Variants in TMEM178B observed in about 807,000 individuals in gnomAD.
The protein encoded by TMEM178B is transmembrane protein 178B.
In TMEM178B, 5 loss-of-function variants were observed where a neutral mutation model predicts 31.0. The observed-to-expected ratio is 0.16, with a 90% CI of 0.08 to 0.34. TMEM178B has a LOEUF of 0.34. TMEM178B is among the 10% of genes least tolerant of loss of function. TMEM178B has a pLI of 1.00. For missense variants in TMEM178B, 275 were observed against 400.3 expected (o/e 0.69, Z 2.67); for synonymous variants, 164 against 164.0 (o/e 1.00, Z 0.00).
chr7:141,372,600 T>C (rs1314055543), intron 2 of TMEM178B, among the ~76,000 whole-genome samples: 1 of 152,128 alleles, frequency 6.6e-6, no homozygotes, highest in Non-Finnish European at 1.5e-5. Flanking sequence ...GACAATCACA[T>C]AGAACCTCCC....
chr7:141,198,837 C>T (rs1380384185), intron 1 of TMEM178B, among the ~76,000 whole-genome samples: 5 of 152,220 alleles, frequency 3.3e-5, no homozygotes, highest in Admixed American at 6.5e-5. Flanking sequence ...GGAGCTGCGC[C>T]GGGTGTCTGC....
chr7:141,106,190 T>C (rs1795143439), intron 1 of TMEM178B, among the ~76,000 whole-genome samples: 1 of 152,158 alleles, frequency 6.6e-6, no homozygotes, highest in Non-Finnish European at 1.5e-5. Flanking sequence ...CTTTGCATTC[T>C]TCATAGTTGT....
chr7:141,491,242 A>G, the TMEM178B span, among the ~76,000 whole-genome samples: 1 of 152,118 alleles, frequency 6.6e-6, no homozygotes. Context: ...TAGGTTTTCC[A>G]GGCTGGACTC....
chr7:141,289,455 C>T (rs1798505565), intron 2 of TMEM178B, among the ~76,000 whole-genome samples: 1 of 152,050 alleles, frequency 6.6e-6, no homozygotes, highest in South Asian at 2.1e-4. Context: ...GTGGTTCATG[C>T]CTATAATCCC....
downstream of TMEM178B, among the ~76,000 whole-genome samples, chr7:141,482,930 G>C (rs893747737): frequency 6.6e-6 from 1 of 150,624 alleles, no homozygotes; most frequent in African/African-American, 2.4e-5. Context: ...GGCGGTGGGG[G>C]GGTGGTGTTA....
intron 2 of TMEM178B, among the ~76,000 whole-genome samples, chr7:141,305,850 T>C (rs1798807593): frequency 6.6e-6 from 1 of 152,188 alleles, no homozygotes; most frequent in African/African-American, 2.4e-5. Context: ...GGGTGGTCTG[T>C]CCTCCTGCTC....
In TMEM178B at chr7:141,477,182, C is replaced by A. The variant is rs1475876158; in HGVS notation, c.*6396C>A. 1 of 154,858 alleles carries A rather than the reference C, an allele frequency of 6.5e-6. No individual in the cohort carries two copies. Among genetic ancestry groups the A allele is most frequent in the Non-Finnish European group, 1.5e-5 (1 of 68,254 alleles). The allele number at this position is 154,858 out of a possible 1,614,324, so 9.6% of individuals were successfully genotyped here. ...GTGACGAAGCCTTTCCTGTGAAGAGCTTTCATGAACTCATTCTCATACTCC... is the reference window on the plus strand; with the variant it reads ...GTGACGAAGCCTTTCCTGTGAAGAGATTTCATGAACTCATTCTCATACTCC... On this transcript the variant is annotated 3_prime_UTR_variant, in exon 4 of 4. Coordinates refer to ENST00000565468, the MANE Select transcript of TMEM178B (RefSeq NM_001195278.2).
intron 1 of TMEM178B, among the ~76,000 whole-genome samples, chr7:141,188,760 C>A (rs563821262): frequency 1.3e-5 from 2 of 152,364 alleles, no homozygotes; most frequent in South Asian, 4.1e-4. Flanking sequence ...GAGGTACTCA[C>A]ACGAGAGGAC....
At chr7:141,403,174 G>T (rs1302959186) in intron 2 of TMEM178B, among the ~76,000 whole-genome samples, 2 of 152,180 alleles carry the variant, frequency 1.3e-5, no homozygotes, top group African/African-American at 4.8e-5. Context: ...CTTCCTACAG[G>T]CTCTCCGGAG....
At chr7:141,354,953 A>G (rs1403792669) in intron 2 of TMEM178B, among the ~76,000 whole-genome samples, 1 of 152,180 alleles carries the variant, frequency 6.6e-6, no homozygotes, top group African/African-American at 2.4e-5. Flanking sequence ...TTATTTTAAG[A>G]TTCCAGTTTT....
rs1801220697 is a variant in TMEM178B, at chr7:141,422,065, A to G, written c.497-15543A>G. ...CTCCCTTTCCCAGCTCGGGCTTGACATTTTCTTAGAAACCTGCAATACGGA... is the reference window on the plus strand; with the variant it reads ...CTCCCTTTCCCAGCTCGGGCTTGACGTTTTCTTAGAAACCTGCAATACGGA... On this transcript the variant is annotated intron_variant, in intron 2 of 3. Coordinates refer to ENST00000565468, the MANE Select transcript of TMEM178B (RefSeq NM_001195278.2). This position sits in a 1 kb window ranked among gnomAD's most constrained non-coding sequence, Gnocchi z 4.2. 6.6e-6 allele frequency among the ~76,000 whole-genome samples: 1 copy of G among 152,100 alleles called. No homozygotes were observed.
At chr7:141,486,710 G>A in the TMEM178B span, among the ~76,000 whole-genome samples, 10 of 152,264 alleles carry the variant, frequency 6.6e-5, no homozygotes, top group South Asian at 2.1e-3. Context: ...TGTTTTTTAA[G>A]CACATATTTT....
chr7:141,089,446 G>A (rs553607657), intron 1 of TMEM178B, among the ~76,000 whole-genome samples: 2 of 152,370 alleles, frequency 1.3e-5, no homozygotes, highest in Non-Finnish European at 2.9e-5. Context: ...GTGGAAGACA[G>A]TGTGGCGATT....
At chr7:141,508,937 G>A in the TMEM178B span, among the ~76,000 whole-genome samples, 1 of 152,234 alleles carries the variant, frequency 6.6e-6, no homozygotes, top group African/African-American at 2.4e-5. Flanking sequence ...ACAATGGCAA[G>A]TGATGGACTA....
At chr7:141,290,958 C>A (rs578238905) in intron 2 of TMEM178B, among the ~76,000 whole-genome samples, 54 of 152,312 alleles carry the variant, frequency 3.5e-4, no homozygotes, top group African/African-American at 1.2e-3. Flanking sequence ...CTGCCACCTA[C>A]CCATCGCTGG....
chr7:141,303,456 T>A (rs1264149940), intron 2 of TMEM178B, among the ~76,000 whole-genome samples: 1 of 152,202 alleles, frequency 6.6e-6, no homozygotes, highest in Non-Finnish European at 1.5e-5. Context: ...GGCTTCACAT[T>A]GACAGCCAGA....
intron 1 of TMEM178B, among the ~76,000 whole-genome samples, chr7:141,105,568 G>A (rs978868761): frequency 6.6e-6 from 1 of 152,060 alleles, no homozygotes; most frequent in East Asian, 1.9e-4. Context: ...GCTACAAATA[G>A]AAATGCACAT....
At chr7:141,259,943 G>A (rs1401175657) in intron 2 of TMEM178B, among the ~76,000 whole-genome samples, 1 of 152,098 alleles carries the variant, frequency 6.6e-6, no homozygotes, top group African/African-American at 2.4e-5. Context: ...TCACCCAGGG[G>A]TGTGTGGATA....
intron 2 of TMEM178B, among the ~76,000 whole-genome samples, chr7:141,375,720 G>A (rs761383955): frequency 1.5e-4 from 23 of 152,312 alleles, no homozygotes; most frequent in Non-Finnish European, 3.2e-4. Context: ...TTATTGTGGT[G>A]TATTTAGAAT....
Sources: gnomAD v4.1 joint callset for allele counts (sites outside exome capture counted in the v4.1 genomes callset) on GRCh38, gnomAD v4.1.1 for gene constraint, Gnocchi (gnomAD v3.1) non-coding constraint, MANE v1.5 for transcripts, NCBI Gene and HGNC (gene_info 2026-07-23, HGNC 2026-07-21) for gene names.